Variants in MAK observed in about 807,000 individuals in gnomAD.
MAK encodes the protein serine/threonine-protein kinase MAK.
A neutral mutation model predicts 82.6 loss-of-function variants in MAK; 65 were observed. That is an observed-to-expected ratio of 0.79 (90% confidence interval 0.64 to 0.97). The LOEUF (loss-of-function observed/expected upper bound fraction) is 0.97. MAK is among the 50% of genes least tolerant of loss of function. The pLI is 0.00. For missense variants in MAK, 703 were observed against 780.2 expected, an observed-to-expected ratio of 0.90 and a Z score of 1.18; for synonymous variants, 250 against 274.2, an observed-to-expected ratio of 0.91 and a Z score of 0.87.
At chr6:10,806,914 C>G (rs1204595094) in intron 6 of MAK, among the ~76,000 whole-genome samples, 1 of 152,096 alleles carries the variant, frequency 6.6e-6, no homozygotes, top group East Asian at 1.9e-4. Flanking sequence ...CTTTCTTTAC[C>G]AACTTCCCAG....
At chr6:10,775,060 T>C (rs1773348418) in intron 12 of MAK, among the ~76,000 whole-genome samples, 1 of 152,158 alleles carries the variant, frequency 6.6e-6, no homozygotes, top group African/African-American at 2.4e-5. Flanking sequence ...TCAAGGGACC[T>C]GCCCACCTCC....
chr6:10,819,018 TC>T, intron 2 of MAK, 78 bp from the exon 3 acceptor site: 1 of 798,618 alleles, frequency 1.3e-6, no homozygotes, highest in Non-Finnish European at 2.2e-6. Context: ...GCTTTCTTAC[TC>T]CACTACTGGT....
At chr6:10,772,993 T>G (rs755532909) in intron 13 of MAK, 41 bp downstream of exon 13, 1 of 1,303,406 alleles carries the variant, frequency 7.7e-7, no homozygotes. Context: ...AGACAAGAGA[T>G]TCAAAGAACA....
intron 10 of MAK, 23 bp from the exon 11 acceptor site, chr6:10,784,595 C>T (rs1475642012): frequency 8.3e-6 from 13 of 1,562,162 alleles, no homozygotes; most frequent in Non-Finnish European, 1.1e-5. Context: ...TGAAAGGTAG[C>T]ATTACAGCAC....
intron 1 of MAK, among the ~76,000 whole-genome samples, chr6:10,836,424 T>C (rs1024760774): frequency 6.6e-6 from 1 of 152,196 alleles, no homozygotes; most frequent in African/African-American, 2.4e-5. Context: ...GAACATACAA[T>C]TGTCTAATGT....
intron 1 of MAK, among the ~76,000 whole-genome samples, chr6:10,832,362 CT>C (rs1279359383): frequency 6.6e-6 from 1 of 152,254 alleles, no homozygotes; most frequent in Non-Finnish European, 1.5e-5. Flanking sequence ...AGAAGTTCTA[CT>C]GTAAGTAAAA....
At chr6:10,830,124 CGTGTGTGTGTGTGTGTGTGT>C (rs35519970) in intron 2 of MAK, among the ~76,000 whole-genome samples, 9 of 141,498 alleles carry the variant, frequency 6.4e-5, no homozygotes, top group African/African-American at 1.9e-4. Flanking sequence ...CCTGTGTGCA[CGTGTGTGTGTGTGTGTGTGT>C]GTGTGTGTGT....
intron 5 of MAK, among the ~76,000 whole-genome samples, chr6:10,810,822 G>A (rs926254997): frequency 5.3e-5 from 8 of 152,044 alleles, no homozygotes; most frequent in Admixed American, 1.3e-4. Context: ...GTAATGTAAC[G>A]ACAGGAATGG....
rs561842825 is a variant in MAK, at chr6:10,767,899, C to T, written c.1792+2212G>A. Among the ~76,000 whole-genome samples the T allele has an allele frequency of 2.1e-4, 32 of 152,066 alleles. No homozygotes were observed. The East Asian group carries it at 5.4e-3, about 26-fold the overall frequency. On this transcript the variant is annotated intron_variant, in intron 14 of 14. Transcript: ENST00000354489. ...AATAGTTGAGTAAATATGGTAATGA[C>T]CTGGTTTTATTTTCTTGTGGGAAAC... is the stretch of plus-strand genomic sequence containing the variant.
At position 10,795,991 on chromosome 6, in the gene MAK, T is replaced by A; in HGVS notation, c.1143+7A>T. 6.2e-7 allele frequency: 1 copy of A among 1,613,282 alleles called. No homozygotes were observed. Among genetic ancestry groups the A allele is most frequent in the Admixed American group, 1.7e-5 (1 of 60,020 alleles). ...TTTCATTGCAAGTGTCATGACTGGC[T>A]ACTCACAGTTGGCATGTTTTTGACG... On this transcript the variant is annotated splice_region_variant and intron_variant, in intron 9 of 14. Transcript: ENST00000354489.
chr6:10,783,565 G>A (rs1774201847), intron 11 of MAK, among the ~76,000 whole-genome samples: 1 of 152,156 alleles, frequency 6.6e-6, no homozygotes, highest in Admixed American at 6.5e-5. Flanking sequence ...ACCAAAACAT[G>A]TCTAGGTTTT....
chr6:10,823,998 C>A (rs374085019), intron 2 of MAK, among the ~76,000 whole-genome samples: 28 of 146,924 alleles, frequency 1.9e-4, no homozygotes, highest in African/African-American at 2.5e-4. Context: ...TGGTAACAAA[C>A]AAAAAAAAAA....
chr6:10,821,966 T>G (rs942163788), intron 2 of MAK, among the ~76,000 whole-genome samples: 3 of 148,758 alleles, frequency 2.0e-5, no homozygotes, highest in Non-Finnish European at 4.4e-5. Flanking sequence ...GGTAACAGGG[T>G]GAAACCCCAT....
chr6:10,819,967 C>T (rs901324739), intron 2 of MAK, among the ~76,000 whole-genome samples: 3 of 151,840 alleles, frequency 2.0e-5, no homozygotes, highest in Non-Finnish European at 4.4e-5. Context: ...AAAAAATTAG[C>T]CAGGCGTGGT....
At position 10,803,827 on chromosome 6, in the gene MAK, C is replaced by A. The variant is rs141312468; in HGVS notation, c.556G>T (p.Val186Phe). The A allele has an allele frequency of 2.2e-5, 36 of 1,613,914 alleles. No homozygotes were observed. The African/African-American group carries it at 4.5e-4, about 20-fold the overall frequency. The change falls in exon 7 of 15, where the codon GTT becomes TTT. Residue 186 changes from valine to phenylalanine, a missense_variant. Transcript: ENST00000354489. ...TAGAGTTCAGCCATGATACTTCCAA[C>A]AGCCCACACATCAATGGGAGAACTA... ...VYSSPIDVWA[V>F]GSIMAELYML...
At chr6:10,779,431 T>C in intron 11 of MAK, 2 of 985,340 alleles carry the variant, frequency 2.0e-6, no homozygotes, top group Non-Finnish European at 2.4e-6. Context: ...CTATGACTCT[T>C]GCGTCTCTTT....
intron 10 of MAK, among the ~76,000 whole-genome samples, chr6:10,785,948 T>C (rs113500563): frequency 2.6e-5 from 4 of 152,198 alleles, no homozygotes; most frequent in Non-Finnish European, 5.9e-5. Flanking sequence ...TTGTTCACTT[T>C]TAAGAAGACA....
intron 1 of MAK, among the ~76,000 whole-genome samples, chr6:10,833,466 G>A (rs957250102): frequency 6.6e-6 from 1 of 152,144 alleles, no homozygotes; most frequent in Non-Finnish European, 1.5e-5. Flanking sequence ...TTAGCTGGGT[G>A]TGGTGGCGCA....
At position 10,796,104 on chromosome 6, in the gene MAK, G is replaced by A; in HGVS notation, c.1037C>T (p.Pro346Leu). Reference protein sequence around the residue: ...QPKTSQQPLQPIQPPQNLSVQ... With the variant: ...QPKTSQQPLQLIQPPQNLSVQ... The stretch of plus-strand genomic sequence containing the variant: ...GCTCAGGTTCTGTGGCGGCTGAATG[G>A]GCTGCAGTGGCTGCTGGCTAGTTTT... The change falls in exon 9 of 15, where the codon CCC (proline) becomes CTC (leucine). Residue 346 changes from proline (P) to leucine (L), a missense_variant. Coordinates refer to ENST00000354489, the MANE Select transcript of MAK (RefSeq NM_001242957.3). The A allele has an allele frequency of 6.2e-7, 1 of 1,614,100 alleles. No homozygotes were observed. The highest frequency in any genetic ancestry group is 8.5e-7 in the Non-Finnish European group (1 of 1,180,028).
Sources: allele counts gnomAD v4.1 joint callset (sites outside exome capture counted in the v4.1 genomes callset), GRCh38; gene constraint gnomAD v4.1.1; transcripts MANE v1.5; gene names NCBI Gene and HGNC (gene_info 2026-07-23, HGNC 2026-07-21).